Variants in DPYD observed in about 807,000 individuals in gnomAD.
DPYD encodes the protein dihydropyrimidine dehydrogenase.
A neutral mutation model predicts 116.2 loss-of-function variants in DPYD; 109 were observed. That is an observed-to-expected ratio of 0.94 (90% CI 0.80 to 1.10). The LOEUF is 1.10. DPYD is among the 50% of genes least tolerant of loss of function. DPYD has a pLI of 0.00. For synonymous variants in DPYD, 440 were observed against 432.0 expected (o/e 1.02, Z -0.23); for missense variants, 1,302 against 1,254.5 (o/e 1.04, Z -0.57).
At chr1:97,202,178 T>C (rs943400323) in intron 19 of DPYD, among the ~76,000 whole-genome samples, 1 of 152,114 alleles carries the variant, frequency 6.6e-6, no homozygotes, top group Non-Finnish European at 1.5e-5. Flanking sequence ...TTCAGAAAAA[T>C]TGCCGAAATG....
chr1:97,778,670 A>C (rs934274281), intron 3 of DPYD, among the ~76,000 whole-genome samples: 1 of 152,196 alleles, frequency 6.6e-6, no homozygotes, highest in African/African-American at 2.4e-5. Context: ...AATGACCATA[A>C]CAAAAGGCAT....
At chr1:97,816,858 A>G (rs182787701) in intron 3 of DPYD, among the ~76,000 whole-genome samples, 2 of 152,338 alleles carry the variant, frequency 1.3e-5, no homozygotes, top group East Asian at 3.9e-4. Context: ...AAATTAGTAG[A>G]TAGGGCACCT....
intron 5 of DPYD, among the ~76,000 whole-genome samples, chr1:97,718,690 T>C (rs1434846584): frequency 1.3e-5 from 2 of 151,948 alleles, no homozygotes; most frequent in African/African-American, 2.4e-5. Flanking sequence ...TAATTTTCTA[T>C]GTAAAATCGT....
intron 8 of DPYD, among the ~76,000 whole-genome samples, chr1:97,678,559 A>G (rs1490155823): frequency 6.6e-6 from 1 of 152,174 alleles, no homozygotes; most frequent in African/African-American, 2.4e-5. Flanking sequence ...TCTCCATAAC[A>G]TATTTAGGCA....
At chr1:97,399,411 G>A (rs989688232) in intron 14 of DPYD, among the ~76,000 whole-genome samples, 4 of 152,166 alleles carry the variant, frequency 2.6e-5, no homozygotes, top group Admixed American at 2.6e-4. Context: ...TTTGGCTTAG[G>A]ATTGACTTGG....
chr1:97,276,649 C>T (rs893888770), intron 18 of DPYD, among the ~76,000 whole-genome samples: 1 of 129,176 alleles, frequency 7.7e-6, no homozygotes, highest in Non-Finnish European at 1.6e-5. Flanking sequence ...AAGAAGTCAA[C>T]AAATGTGACA....
chr1:97,528,465 T>A lies in DPYD; in HGVS notation c.1525-12524A>T, dbSNP rs141037143. Among the ~76,000 whole-genome samples, 583 of 152,272 alleles carry A rather than the reference T, an allele frequency of 3.8e-3. 2 individuals are homozygous for A. The highest frequency in any genetic ancestry group is 0.01 in the Middle Eastern group (3 of 294). Reference sequence around the variant, plus strand: ...GCTCCATGGCATAATGGTCAGCATATCTGGACTCTGAAAATTAAATGATAT... The same window carrying A: ...GCTCCATGGCATAATGGTCAGCATAACTGGACTCTGAAAATTAAATGATAT... On this transcript the variant is annotated intron_variant, in intron 12 of 22. Transcript: ENST00000370192.
chr1:97,185,858 T>C (rs1657959480), intron 20 of DPYD, among the ~76,000 whole-genome samples: 1 of 152,196 alleles, frequency 6.6e-6, no homozygotes, highest in Non-Finnish European at 1.5e-5. Context: ...AGGCAGCTTC[T>C]AAGGTGTTGG....
chr1:97,095,714 G>A (rs558584639), intron 21 of DPYD, among the ~76,000 whole-genome samples: 16 of 151,832 alleles, frequency 1.1e-4, no homozygotes, highest in Middle Eastern at 3.2e-3. Context: ...TTATAATACA[G>A]TTATTTGTTA....
At chr1:97,356,349 G>C (rs1670428395) in intron 16 of DPYD, among the ~76,000 whole-genome samples, 1 of 151,976 alleles carries the variant, frequency 6.6e-6, no homozygotes, top group African/African-American at 2.4e-5. Context: ...CAGATTTATG[G>C]CCCAAAAATA....
chr1:97,121,075 G>A (rs543680733), intron 20 of DPYD, among the ~76,000 whole-genome samples: 3 of 152,140 alleles, frequency 2.0e-5, no homozygotes, highest in African/African-American at 7.2e-5. Context: ...GAATAAGCCA[G>A]GGATAGAAAC....
At chr1:97,816,089 C>A (rs868440414) in intron 3 of DPYD, among the ~76,000 whole-genome samples, 13 of 150,512 alleles carry the variant, frequency 8.6e-5, no homozygotes, top group South Asian at 8.4e-4. Context: ...GAGATGGATT[C>A]TCACTACATT....
intron 2 of DPYD, among the ~76,000 whole-genome samples, chr1:97,852,819 C>G (rs1249728456): frequency 6.6e-6 from 1 of 152,142 alleles, no homozygotes; most frequent in Non-Finnish European, 1.5e-5. Flanking sequence ...TGATGTTCGT[C>G]ACAATTCAAA....
intron 15 of DPYD, among the ~76,000 whole-genome samples, chr1:97,376,975 C>T (rs1671672055): frequency 6.7e-6 from 1 of 149,492 alleles, no homozygotes; most frequent in African/African-American, 2.5e-5. Context: ...AACTTGAACA[C>T]ACTCTTTCAC....
chr1:97,392,829 C>G (rs1330545783), intron 14 of DPYD, among the ~76,000 whole-genome samples: 1 of 151,998 alleles, frequency 6.6e-6, no homozygotes, highest in African/African-American at 2.4e-5. Context: ...TGCTATTTCT[C>G]TAATCTGTAG....
chr1:97,552,449 G>T (rs2786531), intron 11 of DPYD, among the ~76,000 whole-genome samples: 1 of 151,978 alleles, frequency 6.6e-6, no homozygotes, highest in Non-Finnish European at 1.5e-5. Context: ...GTAACTTTAT[G>T]TTTCTTAAAA....
intron 14 of DPYD, among the ~76,000 whole-genome samples, chr1:97,419,203 G>A (rs949956065): frequency 1.3e-5 from 2 of 152,106 alleles, no homozygotes; most frequent in Non-Finnish European, 2.9e-5. Flanking sequence ...AGTGAATGGA[G>A]CCATCCAACA....
chr1:97,219,807 C>T (rs1020266843), intron 19 of DPYD, among the ~76,000 whole-genome samples: 1 of 151,954 alleles, frequency 6.6e-6, no homozygotes, highest in Admixed American at 6.6e-5. Context: ...TTTGGAGACA[C>T]TTCACTCCTC....
chr1:97,541,997 A>C (rs974246915), intron 12 of DPYD, among the ~76,000 whole-genome samples: 6 of 152,238 alleles, frequency 3.9e-5, no homozygotes, highest in Non-Finnish European at 7.3e-5. Context: ...ATATTATAAC[A>C]GAATGACACT....
Sources: allele counts gnomAD v4.1 joint callset (sites outside exome capture counted in the v4.1 genomes callset), GRCh38; gene constraint gnomAD v4.1.1; transcripts MANE v1.5; gene names NCBI Gene and HGNC (gene_info 2026-07-23, HGNC 2026-07-21).